Variants in ICE2 observed in about 807,000 individuals in gnomAD.
ICE2 encodes interactor of little elongation complex ELL subunit 2, also known as little elongation complex subunit 2.
A neutral mutation model predicts 105.4 loss-of-function variants in ICE2; 87 were observed. The ratio of observed to expected loss-of-function variants is 0.83; its 90% CI spans 0.69 to 0.99. ICE2 has a LOEUF of 0.99. Among genes scored for constraint, ICE2 ranks in the 50% least tolerant of loss-of-function variants. The probability of loss-of-function intolerance (pLI) is 0.00; values close to 1 mark genes in which losing one functional copy is unlikely to be tolerated. For missense variants in ICE2, 1,323 were observed against 1,146.7 expected, an observed-to-expected ratio of 1.15 and a Z score of -2.22; for synonymous variants, 399 against 392.0, an observed-to-expected ratio of 1.02 and a Z score of -0.21.
intron 12 of ICE2, chr15:60,440,606 G>T (rs1255873940): frequency 2.0e-5 from 3 of 152,148 alleles, no homozygotes; most frequent in African/African-American, 7.2e-5. Flanking sequence ...TACGACCTGA[G>T]AAAGTCTTAG....
intron 5 of ICE2, among the ~76,000 whole-genome samples, chr15:60,461,620 C>T (rs895039145): frequency 6.6e-6 from 1 of 152,126 alleles, no homozygotes; most frequent in Non-Finnish European, 1.5e-5. Flanking sequence ...TTTCAGTAAT[C>T]GTATTGATCA....
intron 13 of ICE2, among the ~76,000 whole-genome samples, chr15:60,432,993 T>C (rs1042404509): frequency 6.6e-6 from 1 of 152,082 alleles, no homozygotes; most frequent in African/African-American, 2.4e-5. Flanking sequence ...TGGTGGTGAA[T>C]GAGCTTCCAA....
intron 12 of ICE2, chr15:60,440,563 C>T (rs191706251): frequency 5.9e-5 from 9 of 152,196 alleles, no homozygotes; most frequent in Admixed American, 5.9e-4. Flanking sequence ...AGAATTGATT[C>T]TCAAAGTGTG....
Position 60,474,350 on chromosome 15 carries a change from A to G in ICE2, c.146+1713T>C, listed in dbSNP as rs7163552. Among the ~76,000 whole-genome samples, 826 of 152,264 alleles carry G rather than the reference A, an allele frequency of 5.4e-3. 15 individuals are homozygous for G. The highest frequency in any genetic ancestry group is 0.019 in the African/African-American group (805 of 41,548). ...AAATATATATACGTACCCTCCACTG[A>G]CAGTTTATCCTACTTATACAAACAC... On this transcript the variant is annotated intron_variant, in intron 3 of 15. Transcript: ENST00000261520.
chr15:60,428,061 T>A (rs567942118), intron 15 of ICE2, among the ~76,000 whole-genome samples: 2 of 152,288 alleles, frequency 1.3e-5, no homozygotes, highest in South Asian at 4.1e-4. Context: ...CTTCCGCAAA[T>A]TGCCTAAAAT....
At chr15:60,453,512 C>A (rs2141080148) in intron 9 of ICE2, 91 bp downstream of exon 9, 8 of 1,522,784 alleles carry the variant, frequency 5.3e-6, no homozygotes, top group Non-Finnish European at 7.0e-6. Context: ...GTATTTTTAA[C>A]TACTAGGTTT....
chr15:60,452,945 T>A (rs1310371569), intron 9 of ICE2: 2 of 985,304 alleles, frequency 2.0e-6, no homozygotes, highest in Non-Finnish European at 2.4e-6. Context: ...AACTCTTAGA[T>A]ATGGGTCAGG....
At chr15:60,434,565 AC>A (rs924444175) in intron 13 of ICE2, among the ~76,000 whole-genome samples, 12 of 148,554 alleles carry the variant, frequency 8.1e-5, no homozygotes, top group Admixed American at 5.4e-4. Flanking sequence ...ACACACACAC[AC>A]AATGGAATAT....
chr15:60,440,842 A>C (rs970939009), intron 12 of ICE2: 1 of 152,206 alleles, frequency 6.6e-6, no homozygotes, highest in African/African-American at 2.4e-5. Context: ...GCTTTTCACC[A>C]AACACTTGTC....
At chr15:60,463,879 C>T (rs1283584387) in intron 5 of ICE2, among the ~76,000 whole-genome samples, 1 of 152,176 alleles carries the variant, frequency 6.6e-6, no homozygotes. Flanking sequence ...AAAGCTGGGA[C>T]ACTGATTATT....
chr15:60,438,056 A>G (rs28405332), intron 12 of ICE2: 1 of 152,214 alleles, frequency 6.6e-6, no homozygotes, highest in South Asian at 2.1e-4. Flanking sequence ...TATAACAAGT[A>G]ATGCGTATGT....
intron 12 of ICE2, chr15:60,439,939 T>C (rs10851681): frequency 0.52 from 79,273 of 152,110 alleles, 22,658 homozygotes; most frequent in East Asian, 0.84. Flanking sequence ...ATTCCATTTA[T>C]GTTCCATTCA....
rs1421502456 is a variant in ICE2 at position 60,463,130 on chromosome 15, TATG to T, written c.528+3461_528+3463del. On this transcript the variant is annotated intron_variant, in intron 5 of 15. Coordinates refer to ENST00000261520, the MANE Select transcript of ICE2 (RefSeq NM_024611.6). ...ATATGTAGAGTAGGATAAAATACAC[TATG>T]ATATTTGGTAGATGAGGTGTATGCA... Among the ~76,000 whole-genome samples, 13 of 152,306 alleles carry T rather than the reference TATG, an allele frequency of 8.5e-5. 1 individual carries two copies. The South Asian group carries it at 1.9e-3, about 22-fold the overall frequency.
chr15:60,452,321 T>C, intron 9 of ICE2: 1 of 866,742 alleles, frequency 1.2e-6, no homozygotes, highest in Non-Finnish European at 1.4e-6. Flanking sequence ...CATTTTTATA[T>C]TTTAAAATTT....
Position 60,453,599 on chromosome 15 carries a change from A to C in ICE2, c.1125+4T>G. On this transcript the variant is annotated splice_donor_region_variant and intron_variant, in intron 9 of 15. Coordinates refer to ENST00000261520, the MANE Select transcript of ICE2 (RefSeq NM_024611.6). ...CCTTAGGGGAAAAAAAAAGCATTAC[A>C]TACGTCCATTTCAGATATAAACTCT... The C allele has an allele frequency of 6.2e-7, 1 of 1,612,768 alleles. No individual in the cohort carries two copies. The highest frequency in any genetic ancestry group is 8.5e-7 in the Non-Finnish European group (1 of 1,179,460).
In ICE2 at chr15:60,475,768, A is replaced by C. The variant is rs150035617; in HGVS notation, c.146+295T>G. Among the ~76,000 whole-genome samples the C allele has an allele frequency of 4.8e-3, 735 of 152,248 alleles. 6 individuals carry two copies. Among genetic ancestry groups the C allele is most frequent in the African/African-American group, 0.017 (698 of 41,556 alleles). ...CAATTATTAGTATAATATTGGTACC[A>C]TACTAAAACATTTATTGGTATAAAT... On this transcript the variant is annotated intron_variant, in intron 3 of 15. Transcript: ENST00000261520.
intron 9 of ICE2, 99 bp downstream of exon 9, chr15:60,453,504 A>G (rs1235671605): frequency 1.3e-6 from 2 of 1,501,404 alleles, no homozygotes; most frequent in Non-Finnish European, 1.8e-6. Flanking sequence ...TAAAGCCTGT[A>G]TTTTTAACTA....
intron 11 of ICE2, among the ~76,000 whole-genome samples, chr15:60,447,328 GTATA>G (rs1193041503): frequency 6.6e-6 from 1 of 152,058 alleles, no homozygotes; most frequent in Admixed American, 6.6e-5. Flanking sequence ...GAGAAAACAG[GTATA>G]TATATGCCAA....
chr15:60,423,084 T>C lies in ICE2; in HGVS notation c.*550A>G, dbSNP rs914035814. The C allele has an allele frequency of 5.9e-5, 9 of 152,518 alleles. No individual in the cohort carries two copies. Among genetic ancestry groups the C allele is most frequent in the Non-Finnish European group, 1.2e-4 (8 of 68,026 alleles). The allele number at this position is 152,518 out of a possible 1,614,324, so 9.4% of individuals were successfully genotyped here. ...AATCTGACTTTTCAGAGGCAGGGAGTTTTTATTTTTGGCTTCTGTAATGGA... is the reference window on the plus strand; with the variant it reads ...AATCTGACTTTTCAGAGGCAGGGAGCTTTTATTTTTGGCTTCTGTAATGGA... On this transcript the variant is annotated 3_prime_UTR_variant, in exon 16 of 16. Transcript: ENST00000261520.
Sources: gnomAD v4.1 joint callset for allele counts (sites outside exome capture counted in the v4.1 genomes callset) on GRCh38, gnomAD v4.1.1 for gene constraint, MANE v1.5 for transcripts, NCBI Gene and HGNC (gene_info 2026-07-23, HGNC 2026-07-21) for gene names.